The following FAM149B1 variants were observed in gnomAD, a reference collection of about 807,000 sequenced individuals.
FAM149B1 encodes primary cilium assembly protein FAM149B1.
A neutral mutation model predicts 75.3 loss-of-function variants in FAM149B1; 56 were observed. That is an observed-to-expected ratio of 0.74 (90% CI 0.60 to 0.93). The LOEUF (loss-of-function observed/expected upper bound fraction) is 0.93. Among genes scored for constraint, FAM149B1 ranks in the 40% least tolerant of loss-of-function variants. FAM149B1 has a pLI of 0.00. For missense variants in FAM149B1, 639 were observed against 708.4 expected (o/e 0.90, Z 1.11); for synonymous variants, 259 against 256.1 (o/e 1.01, Z -0.11).
At chr10:73,234,969 G>A (rs1564716782) in intron 11 of FAM149B1, 29 bp downstream of exon 11, 3 of 1,550,140 alleles carry the variant, frequency 1.9e-6, no homozygotes, top group Non-Finnish European at 2.6e-6. Flanking sequence ...GCCTCTCCAT[G>A]TACTTACCAT....
intron 1 of FAM149B1, among the ~76,000 whole-genome samples, chr10:73,171,707 C>G (rs768737735): frequency 2.0e-5 from 3 of 151,332 alleles, no homozygotes; most frequent in Admixed American, 6.6e-5. Context: ...CGGCTCACTG[C>G]AAGCTCCGCC....
chr10:73,228,012 T>C (rs1263573859), intron 7 of FAM149B1, 48 bp from the exon 8 acceptor site: 1 of 1,535,716 alleles, frequency 6.5e-7, no homozygotes, highest in South Asian at 1.2e-5. Context: ...ACTGTTGCTG[T>C]GGGCCAGAAG....
chr10:73,215,688 C>G (rs1024742604), intron 7 of FAM149B1, among the ~76,000 whole-genome samples: 1 of 152,122 alleles, frequency 6.6e-6, no homozygotes, highest in African/African-American at 2.4e-5. Flanking sequence ...CAGGAGCATG[C>G]TGTTTAATTT....
chr10:73,168,274 G>A lies in FAM149B1; in HGVS notation c.-66G>A. The A allele has an allele frequency of 6.6e-7, 1 of 1,525,584 alleles. No individual in the cohort carries two copies. The highest frequency in any genetic ancestry group is 8.9e-7 in the Non-Finnish European group (1 of 1,129,346). The allele number at this position is 1,525,584 out of a possible 1,614,324, so 94.5% of individuals were successfully genotyped here. A position where few individuals can be genotyped will look rare whatever the true frequency, so the allele number is the denominator to read the frequency against. On this transcript the variant is annotated 5_prime_UTR_variant, in exon 1 of 14. Transcript: ENST00000242505. The stretch of plus-strand genomic sequence containing the variant: ...GCCGGCGGGAGGGCCAGGCCCGGAG[G>A]CCCCCACCCTGGCGTGCCTGCCCCG...
At chr10:73,192,456 A>C in intron 3 of FAM149B1, 100 bp from the exon 4 acceptor site, 1 of 1,177,142 alleles carries the variant, frequency 8.5e-7, no homozygotes. Flanking sequence ...AGTAGACTAA[A>C]TATGTAAACA....
chr10:73,225,179 T>A (rs1416425489), intron 7 of FAM149B1, among the ~76,000 whole-genome samples: 1 of 152,268 alleles, frequency 6.6e-6, no homozygotes, highest in Non-Finnish European at 1.5e-5. Flanking sequence ...GTATATACTA[T>A]ATTTTTATCA....
chr10:73,187,528 G>A (rs1424850154), intron 3 of FAM149B1, among the ~76,000 whole-genome samples: 5 of 151,722 alleles, frequency 3.3e-5, no homozygotes, highest in East Asian at 1.9e-4. Context: ...TCTGGAGTTC[G>A]AGACCAGCCT....
intron 7 of FAM149B1, among the ~76,000 whole-genome samples, chr10:73,227,615 T>C (rs2043581788): frequency 6.6e-6 from 1 of 152,172 alleles, no homozygotes; most frequent in African/African-American, 2.4e-5. Flanking sequence ...TAATGAAGGT[T>C]TCCCTAGAGC....
chr10:73,179,951 C>T (rs9416030), intron 3 of FAM149B1, among the ~76,000 whole-genome samples: 859 of 152,110 alleles, frequency 5.6e-3, no homozygotes, highest in Non-Finnish European at 8.9e-3. Context: ...TGGGTTTTCA[C>T]GTTTTTTTCG....
chr10:73,239,210 C>CACTTGA (rs1287009314), intron 12 of FAM149B1, 102 bp from the exon 13 acceptor site: 17 of 982,682 alleles, frequency 1.7e-5, no homozygotes, highest in Non-Finnish European at 2.5e-5. Flanking sequence ...TAGTCTATGC[C>CACTTGA]TTTTACCACT....
Position 73,230,493 on chromosome 10 carries a change from G to C in FAM149B1, c.1095G>C (p.Gln365His). The C allele has an allele frequency of 6.5e-7, 1 of 1,545,804 alleles. No homozygotes were observed. The highest frequency in any genetic ancestry group is 8.8e-7 in the Non-Finnish European group (1 of 1,141,606). ...NDLLVHGMPLQPRNLSLMDKL... is the reference protein window; with the variant it reads ...NDLLVHGMPLHPRNLSLMDKL... Reference sequence around the variant, plus strand: ...TCTTGGTTCATGGAATGCCTCTACAGCCAAGAAATCTCTCCCTAATGGACA... The same window carrying C: ...TCTTGGTTCATGGAATGCCTCTACACCCAAGAAATCTCTCCCTAATGGACA... Residue 365 changes from glutamine to histidine, a missense_variant, in exon 9 of 14, where the codon CAG becomes CAC. Coordinates refer to ENST00000242505, the MANE Select transcript of FAM149B1 (RefSeq NM_173348.2).
intron 4 of FAM149B1, among the ~76,000 whole-genome samples, chr10:73,192,980 C>T (rs1326168411): frequency 6.6e-6 from 1 of 152,144 alleles, no homozygotes; most frequent in East Asian, 1.9e-4. Context: ...TTCTTTTGAA[C>T]AAGATGGTCA....
chr10:73,200,020 A>T, intron 5 of FAM149B1: 1 of 202,648 alleles, frequency 4.9e-6, no homozygotes. Flanking sequence ...GAGAACTATT[A>T]TTCCCTGTAT....
intron 7 of FAM149B1, among the ~76,000 whole-genome samples, chr10:73,226,831 G>T (rs1365551105): frequency 6.6e-6 from 1 of 152,132 alleles, no homozygotes; most frequent in East Asian, 1.9e-4. Context: ...ATTGTTGTTA[G>T]AACAAACTGA....
intron 5 of FAM149B1, among the ~76,000 whole-genome samples, chr10:73,194,515 C>T (rs1227689513): frequency 6.6e-6 from 1 of 151,980 alleles, no homozygotes; most frequent in Non-Finnish European, 1.5e-5. Context: ...GCCTCAGCCT[C>T]CCGAGTAGCT....
At chr10:73,198,782 G>A (rs1246539664) in intron 5 of FAM149B1, among the ~76,000 whole-genome samples, 1 of 152,170 alleles carries the variant, frequency 6.6e-6, no homozygotes, top group African/African-American at 2.4e-5. Context: ...TCCAGCCTGG[G>A]CGGCAAGAGT....
chr10:73,235,309 A>G lies in FAM149B1; in HGVS notation c.1593A>G (p.Gln531=), dbSNP rs1389368601. Residue 531 remains glutamine (Q), a synonymous_variant, in exon 12 of 14, where the codon CAA becomes CAG. Coordinates refer to ENST00000242505, the MANE Select transcript of FAM149B1 (RefSeq NM_173348.2). ...TTTTCCCCAGGCCCAACACAACTCA[A>G]TCATTTTTGGTAGAGTGACGTACTT... ...PDFFPRPNTT[Q]SFLLDTQYRR... 1.3e-6 allele frequency: 2 copies of G among 1,552,130 alleles called. No individual in the cohort carries two copies. The highest frequency in any genetic ancestry group is 2.4e-5 in the East Asian group (1 of 40,922).
chr10:73,239,282 A>G (rs1156900634), intron 12 of FAM149B1, 30 bp from the exon 13 acceptor site: 8 of 1,531,486 alleles, frequency 5.2e-6, no homozygotes, highest in African/African-American at 2.7e-5. Flanking sequence ...AAGATGCATC[A>G]TAAGAAGTGT....
chr10:73,177,911 T>C lies in FAM149B1; in HGVS notation c.218T>C (p.Phe73Ser). ...GACACTGGGAATTCACTGTCTGCTT[T>C]TCCAAGTTATACAGGCGCAGGGATA... ...SADTGNSLSA[F>S]PSYTGAGIST... The change falls in exon 3 of 14, where the codon TTT becomes TCT. Residue 73 changes from phenylalanine (F) to serine (S), a missense_variant. Coordinates refer to ENST00000242505, the MANE Select transcript of FAM149B1 (RefSeq NM_173348.2). The C allele has an allele frequency of 6.4e-7, 1 of 1,551,746 alleles. No individual in the cohort carries two copies. The highest frequency in any genetic ancestry group is 8.7e-7 in the Non-Finnish European group (1 of 1,146,954).
Sources: gnomAD v4.1 joint callset for allele counts (sites outside exome capture counted in the v4.1 genomes callset) on GRCh38, gnomAD v4.1.1 for gene constraint, MANE v1.5 for transcripts, NCBI Gene and HGNC (gene_info 2026-07-23, HGNC 2026-07-21) for gene names.